TNFSF4: variants seen among roughly 807,000 people sequenced by gnomAD.
The protein encoded by TNFSF4 is tumor necrosis factor ligand superfamily member 4.
Under a neutral mutation model 7.3 loss-of-function variants are expected in TNFSF4, and 4 were observed. That is an observed-to-expected ratio of 0.55 (90% CI 0.27 to 1.25). TNFSF4 has a LOEUF of 1.25. Among genes scored for constraint, TNFSF4 ranks in the 50% most tolerant of loss-of-function variants. The pLI is 0.12. For missense variants in TNFSF4, 181 were observed against 208.8 expected, an observed-to-expected ratio of 0.87 and a Z score of 0.82; for synonymous variants, 76 against 83.7, an observed-to-expected ratio of 0.91 and a Z score of 0.50.
At chr1:173,200,454 T>C (rs1239391055) in intron 1 of TNFSF4, among the ~76,000 whole-genome samples, 3 of 152,154 alleles carry the variant, frequency 2.0e-5, no homozygotes, top group Non-Finnish European at 2.9e-5. Flanking sequence ...TAAAAAACGG[T>C]TTGAGTTTAG....
chr1:173,271,389 T>G, the TNFSF4 span, among the ~76,000 whole-genome samples: 1 of 152,126 alleles, frequency 6.6e-6, no homozygotes, highest in Non-Finnish European at 1.5e-5. Context: ...CCCAGTACCA[T>G]TTATTAAATA....
At chr1:173,338,801 T>C in the TNFSF4 span, among the ~76,000 whole-genome samples, 1 of 152,084 alleles carries the variant, frequency 6.6e-6, no homozygotes, top group African/African-American at 2.4e-5. Flanking sequence ...TTCCATTGAA[T>C]TGGAAGTTAA....
intron 1 of TNFSF4, among the ~76,000 whole-genome samples, chr1:173,195,344 A>G (rs930876699): frequency 2.0e-5 from 3 of 152,232 alleles, no homozygotes; most frequent in Non-Finnish European, 4.4e-5. Flanking sequence ...TATGTAGTTC[A>G]GGTTGCCAGA....
the TNFSF4 span, among the ~76,000 whole-genome samples, chr1:173,248,157 C>T: frequency 6.6e-6 from 1 of 151,944 alleles, no homozygotes; most frequent in Non-Finnish European, 1.5e-5. Context: ...AGATTGAGAC[C>T]ATCCTGGCTA....
At chr1:173,206,808 C>T (rs79280399) in intron 1 of TNFSF4, among the ~76,000 whole-genome samples, 6,766 of 152,192 alleles carry the variant, frequency 0.044, 195 homozygotes, top group East Asian at 0.098. Flanking sequence ...GTGCCTCTGC[C>T]CTACCTCCAC....
chr1:173,232,133 T>C, the TNFSF4 span, among the ~76,000 whole-genome samples: 1 of 152,198 alleles, frequency 6.6e-6, no homozygotes, highest in Non-Finnish European at 1.5e-5. Flanking sequence ...TTGTGTCCTC[T>C]TTTACTTCGT....
the TNFSF4 span, among the ~76,000 whole-genome samples, chr1:173,281,389 T>C: frequency 3.3e-5 from 5 of 152,112 alleles, no homozygotes; most frequent in Non-Finnish European, 7.4e-5. Flanking sequence ...AGGCAAGTTG[T>C]TCCATAAATC....
chr1:173,383,044 C>G, the TNFSF4 span, among the ~76,000 whole-genome samples: 1 of 152,162 alleles, frequency 6.6e-6, no homozygotes, highest in East Asian at 1.9e-4. Flanking sequence ...GACACTGTTT[C>G]ATGCTTTCAT....
the TNFSF4 span, among the ~76,000 whole-genome samples, chr1:173,425,902 G>T: frequency 6.6e-6 from 1 of 152,310 alleles, no homozygotes; most frequent in South Asian, 2.1e-4. Context: ...GTCCCCAAAA[G>T]ATGTGAAAGT....
the TNFSF4 span, among the ~76,000 whole-genome samples, chr1:173,235,236 G>T: frequency 6.6e-6 from 1 of 152,122 alleles, no homozygotes; most frequent in East Asian, 1.9e-4. Flanking sequence ...TGGTTCTTGT[G>T]TCACAACCAG....
chr1:173,429,334 T>G, the TNFSF4 span, among the ~76,000 whole-genome samples: 1 of 152,188 alleles, frequency 6.6e-6, no homozygotes, highest in African/African-American at 2.4e-5. Context: ...CTGCTCACAT[T>G]TGTCACACTT....
chr1:173,381,658 C>T, the TNFSF4 span, among the ~76,000 whole-genome samples: 121 of 152,320 alleles, frequency 7.9e-4, no homozygotes, highest in African/African-American at 2.9e-3. Context: ...ACTACAACTG[C>T]AGGGCTTCTT....
chr1:173,182,159 A>T (rs1463775561), downstream of TNFSF4, among the ~76,000 whole-genome samples: 1 of 152,168 alleles, frequency 6.6e-6, no homozygotes, highest in Non-Finnish European at 1.5e-5. Context: ...AGTATTATAA[A>T]CTTGGTTCTT....
the TNFSF4 span, among the ~76,000 whole-genome samples, chr1:173,259,405 C>T: frequency 2.6e-5 from 4 of 151,110 alleles, no homozygotes; most frequent in African/African-American, 9.7e-5. Flanking sequence ...TACAAAAATG[C>T]TGAAAGCTCA....
rs943719207 is a variant in TNFSF4, at chr1:173,184,630, G to A, written c.*1886C>T. Reference sequence around the variant, plus strand: ...TTAAATATTACCTATAGTCATAAACGTTTACTTTTTCGGATATCACTCACT... The same window carrying A: ...TTAAATATTACCTATAGTCATAAACATTTACTTTTTCGGATATCACTCACT... On this transcript the variant is annotated 3_prime_UTR_variant, in exon 3 of 3. Coordinates refer to ENST00000281834, the MANE Select transcript of TNFSF4 (RefSeq NM_003326.5). The A allele has an allele frequency of 9.2e-5, 14 of 151,934 alleles. No individual in the cohort carries two copies. Among genetic ancestry groups the A allele is most frequent in the Admixed American group, 2.0e-4 (3 of 15,248 alleles). The allele number at this position is 151,934 out of a possible 1,614,324, so 9.4% of individuals were successfully genotyped here.
chr1:173,415,426 G>A, the TNFSF4 span, among the ~76,000 whole-genome samples: 1 of 152,186 alleles, frequency 6.6e-6, no homozygotes, highest in African/African-American at 2.4e-5. Flanking sequence ...CTTAGGAAAA[G>A]GAAGATAGAA....
At chr1:173,287,840 A>T in the TNFSF4 span, among the ~76,000 whole-genome samples, 6 of 152,352 alleles carry the variant, frequency 3.9e-5, no homozygotes, top group East Asian at 1.2e-3. Flanking sequence ...AAACCACACA[A>T]AACTTATCAA....
chr1:173,262,598 C>CTTTTTT, the TNFSF4 span, among the ~76,000 whole-genome samples: 30 of 105,040 alleles, frequency 2.9e-4, no homozygotes, highest in Non-Finnish European at 3.9e-4. Flanking sequence ...CCAAAAGATT[C>CTTTTTT]TTTTTTTTTT....
chr1:173,291,391 T>C, the TNFSF4 span, among the ~76,000 whole-genome samples: 1 of 152,092 alleles, frequency 6.6e-6, no homozygotes, highest in Non-Finnish European at 1.5e-5. Flanking sequence ...ACATGAGATA[T>C]GGGCAGGGCC....
Sources: allele counts gnomAD v4.1 joint callset (sites outside exome capture counted in the v4.1 genomes callset), GRCh38; gene constraint gnomAD v4.1.1; transcripts MANE v1.5; gene names NCBI Gene and HGNC (gene_info 2026-07-23, HGNC 2026-07-21).